WLS: variants seen among roughly 807,000 people sequenced by gnomAD.
WLS encodes the protein Wnt ligand secretion mediator, also known as protein wntless homolog.
WLS carries 23 observed loss-of-function variants against 62.8 expected under a neutral mutation model. That is an observed-to-expected ratio of 0.37 (90% confidence interval 0.26 to 0.52). The LOEUF (loss-of-function observed/expected upper bound fraction) is 0.52. WLS is among the 20% of genes least tolerant of loss of function. The pLI is 0.92. For missense variants in WLS, 615 were observed against 697.3 expected, an observed-to-expected ratio of 0.88 and a Z score of 1.33; for synonymous variants, 246 against 244.1, an observed-to-expected ratio of 1.01 and a Z score of -0.07.
chr1:68,110,563 A>G, intron 11 of WLS, among the ~76,000 whole-genome samples: 1 of 152,122 alleles, frequency 6.6e-6, no homozygotes, highest in African/African-American at 2.4e-5. Flanking sequence ...TGCAAGCCTT[A>G]TTAAAAAGCT....
chr1:68,203,170 A>T (rs948164765), intron 1 of WLS, among the ~76,000 whole-genome samples: 2 of 152,246 alleles, frequency 1.3e-5, no homozygotes, highest in African/African-American at 4.8e-5. Flanking sequence ...ACATACATAG[A>T]TTATCGAATC....
intron 2 of WLS, chr1:68,161,860 A>T (rs1188274686): frequency 6.2e-6 from 10 of 1,607,448 alleles, no homozygotes; most frequent in Non-Finnish European, 8.5e-6. Context: ...AGTCACTGGG[A>T]TGCCTCCAGG....
downstream of WLS, among the ~76,000 whole-genome samples, chr1:68,120,726 G>A (rs995908790): frequency 7.9e-5 from 11 of 138,908 alleles, no homozygotes; most frequent in African/African-American, 2.2e-4. Flanking sequence ...GTGCGCGCGC[G>A]CACATGTGCA....
At chr1:68,141,509 A>G (rs994388712) in intron 10 of WLS, 1 of 152,162 alleles carries the variant, frequency 6.6e-6, no homozygotes, top group African/African-American at 2.4e-5. Flanking sequence ...GCATTAAAAG[A>G]CTGCACCTCA....
At chr1:68,144,716 A>T in intron 9 of WLS, 64 bp from the exon 10 acceptor site, 1 of 1,340,424 alleles carries the variant, frequency 7.5e-7, no homozygotes. Context: ...CACTATGTAA[A>T]TCTATAAAAA....
rs563602418 is a variant in WLS, at chr1:68,140,918, G to C, written c.1363-2985C>G. ...AAATCTTACTAATGCCAAGGCGGAG[G>C]TAACAGTCTCCCCCCTTTTAACTTT... On this transcript the variant is annotated intron_variant, in intron 10 of 11. Coordinates refer to ENST00000262348, the MANE Select transcript of WLS (RefSeq NM_024911.7). Among the ~76,000 whole-genome samples the C allele has an allele frequency of 1.2e-4, 19 of 152,158 alleles. 1 individual carries two copies. In the South Asian group the frequency reaches 3.3e-3, roughly 27 times the overall value.
At chr1:68,118,866 ACT>A (rs1646328348) in intron 11 of WLS, among the ~76,000 whole-genome samples, 1 of 124,036 alleles carries the variant, frequency 8.1e-6, no homozygotes, top group East Asian at 2.3e-4. Context: ...GACGAGCAAG[ACT>A]CTGTCTCAAA....
intron 11 of WLS, among the ~76,000 whole-genome samples, chr1:68,134,572 A>G (rs2100413379): frequency 6.6e-6 from 1 of 152,336 alleles, no homozygotes; most frequent in South Asian, 2.1e-4. Context: ...TCTTTATGAC[A>G]TGAGCCTTGT....
intron 2 of WLS, among the ~76,000 whole-genome samples, chr1:68,167,159 A>G (rs1420042105): frequency 6.6e-6 from 1 of 152,230 alleles, no homozygotes. Context: ...AAGACAGAGC[A>G]GAAAGCATGA....
intron 11 of WLS, among the ~76,000 whole-genome samples, chr1:68,106,142 A>G (rs1446763244): frequency 6.6e-6 from 1 of 152,232 alleles, no homozygotes. Context: ...TAACTCCCAT[A>G]GCAATGCTCT....
At chr1:68,147,119 A>C (rs1346349489) in intron 8 of WLS, among the ~76,000 whole-genome samples, 2 of 152,186 alleles carry the variant, frequency 1.3e-5, no homozygotes, top group Admixed American at 1.3e-4. Flanking sequence ...AAATAATATA[A>C]TATCTAATGC....
At chr1:68,098,775 A>T in intron 11 of WLS, 1 of 1,607,614 alleles carries the variant, frequency 6.2e-7, no homozygotes, top group Non-Finnish European at 8.5e-7. Context: ...AGTATATTTT[A>T]AAACCATGCA....
At chr1:68,167,469 C>T (rs1276856884) in intron 2 of WLS, among the ~76,000 whole-genome samples, 3 of 152,144 alleles carry the variant, frequency 2.0e-5, no homozygotes, top group Non-Finnish European at 4.4e-5. Flanking sequence ...ACTGTGTGGG[C>T]AATACTTCCC....
At chr1:68,188,447 A>G (rs867846572) in intron 2 of WLS, among the ~76,000 whole-genome samples, 1 of 152,198 alleles carries the variant, frequency 6.6e-6, no homozygotes, top group Admixed American at 6.5e-5. Context: ...GCCCACTGGG[A>G]GTTCATAGTT....
At position 68,148,652 on chromosome 1, in the gene WLS, G is replaced by C. The variant is rs149826196; in HGVS notation, c.981C>G (p.His327Gln). The change falls in exon 7 of 12, where the codon CAC becomes CAG. Residue 327 changes from histidine to glutamine, a missense_variant. By Grantham distance (24) the His-to-Gln change is conservative (BLOSUM62 0). Transcript: ENST00000262348. Reference sequence around the variant, plus strand: ...AATACCCTGCGATGTGGTTCCGCTCGTGCTGATCCTGAGGAAAACCAAATT... The same window carrying C: ...AATACCCTGCGATGTGGTTCCGCTCCTGCTGATCCTGAGGAAAACCAAATT... ...IFCGEHMMDQ[H>Q]ERNHIAGYWK... 3.1e-6 allele frequency: 5 copies of C among 1,613,796 alleles called. No individual in the cohort carries two copies. Among genetic ancestry groups the C allele is most frequent in the South Asian group, 1.1e-5 (1 of 90,916 alleles).
chr1:68,174,100 A>G (rs2100548788), intron 2 of WLS, among the ~76,000 whole-genome samples: 1 of 152,294 alleles, frequency 6.6e-6, no homozygotes, highest in South Asian at 2.1e-4. Flanking sequence ...GTTGGGCTTC[A>G]AAAGAAACAA....
At chr1:68,182,608 C>T (rs1647652245) in intron 2 of WLS, among the ~76,000 whole-genome samples, 1 of 152,158 alleles carries the variant, frequency 6.6e-6, no homozygotes, top group Admixed American at 6.5e-5. Flanking sequence ...GCACACAATT[C>T]AATAAGAGTA....
rs866530270 is a variant in WLS, at chr1:68,143,025, G to A, written c.1362+1544C>T. ...CAATTACAGTTGTAGATATAAATCT[G>A]TAATATACCTGTAGCATCTGTTTCA... is the stretch of plus-strand genomic sequence containing the variant. On this transcript the variant is annotated intron_variant, in intron 10 of 11. Transcript: ENST00000262348. 2.6e-5 allele frequency among the ~76,000 whole-genome samples: 4 copies of A among 152,208 alleles called. No homozygotes were observed. In the Middle Eastern group the frequency reaches 0.01, roughly 388 times the overall value.
chr1:68,159,110 C>A lies in WLS; in HGVS notation c.504+13G>T. ...AAATAAAAACTGTCAGCTTAGACAGCAAGGGGTCATACCTTGGGAGATGTG... is the reference window on the plus strand; with the variant it reads ...AAATAAAAACTGTCAGCTTAGACAGAAAGGGGTCATACCTTGGGAGATGTG... On this transcript the variant is annotated intron_variant, in intron 3 of 11. Transcript: ENST00000262348. 1 of 1,613,184 alleles carries A rather than the reference C, an allele frequency of 6.2e-7. No homozygotes were observed. The highest frequency in any genetic ancestry group is 8.5e-7 in the Non-Finnish European group (1 of 1,179,728).
Sources: allele counts gnomAD v4.1 joint callset (sites outside exome capture counted in the v4.1 genomes callset), GRCh38; gene constraint gnomAD v4.1.1; transcripts MANE v1.5; gene names NCBI Gene and HGNC (gene_info 2026-07-23, HGNC 2026-07-21).